Variants in RAD51B observed in about 807,000 individuals in gnomAD.
The protein encoded by RAD51B is DNA repair protein RAD51 homolog 2.
In RAD51B, 38 loss-of-function variants were observed where a neutral mutation model predicts 42.2. That is an observed-to-expected ratio of 0.90 (90% CI 0.70 to 1.18). The LOEUF (loss-of-function observed/expected upper bound fraction) is 1.18. Among genes scored for constraint, RAD51B ranks in the 50% most tolerant of loss-of-function variants. RAD51B has a pLI of 0.00. For synonymous variants in RAD51B, 154 were observed against 145.2 expected (o/e 1.06, Z -0.43); for missense variants, 373 against 400.7 (o/e 0.93, Z 0.59).
At chr14:67,964,260 A>G (rs2074724388) in intron 7 of RAD51B, among the ~76,000 whole-genome samples, 1 of 152,188 alleles carries the variant, frequency 6.6e-6, no homozygotes, top group Admixed American at 6.5e-5. Flanking sequence ...AGAGTTAGAA[A>G]GGAAAGTGAG....
intron 10 of RAD51B, among the ~76,000 whole-genome samples, chr14:68,543,693 C>T (rs1291357332): frequency 6.6e-6 from 1 of 152,192 alleles, no homozygotes; most frequent in East Asian, 1.9e-4. Context: ...TTCGATGAGA[C>T]CTAGAGAATC....
chr14:67,986,172 A>G (rs2075189087), intron 7 of RAD51B, among the ~76,000 whole-genome samples: 1 of 152,210 alleles, frequency 6.6e-6, no homozygotes, highest in Admixed American at 6.5e-5. Flanking sequence ...TATCTTGGTA[A>G]TTTTTATTCC....
At chr14:68,504,232 C>T (rs892945699) in intron 10 of RAD51B, among the ~76,000 whole-genome samples, 4 of 152,180 alleles carry the variant, frequency 2.6e-5, no homozygotes, top group Admixed American at 1.3e-4. Flanking sequence ...TTCCTGACTC[C>T]GCAGCTGAAA....
intron 8 of RAD51B, among the ~76,000 whole-genome samples, chr14:68,361,676 G>T (rs2083027454): frequency 6.6e-6 from 1 of 151,814 alleles, no homozygotes; most frequent in Non-Finnish European, 1.5e-5. Flanking sequence ...GAAGTCTTTT[G>T]TTTGTCTGTT....
In RAD51B at chr14:68,008,195, C is replaced by T. The variant is rs535919349; in HGVS notation, c.756+120991C>T. On this transcript the variant is annotated intron_variant, in intron 7 of 10. Coordinates refer to ENST00000471583, the MANE Select transcript of RAD51B (RefSeq NM_133510.4). Reference sequence around the variant, plus strand: ...TAGATTACATACAGTGATACTCATGCCAGTATCATCTTTAATGGCATAAAT... The same window carrying T: ...TAGATTACATACAGTGATACTCATGTCAGTATCATCTTTAATGGCATAAAT... Among the ~76,000 whole-genome samples the T allele has an allele frequency of 8.5e-4, 129 of 151,766 alleles. 4 individuals carry two copies. In the South Asian group the frequency reaches 0.019, roughly 23 times the overall value.
At chr14:67,924,770 CT>C (rs1214732330) in intron 7 of RAD51B, among the ~76,000 whole-genome samples, 1 of 152,198 alleles carries the variant, frequency 6.6e-6, no homozygotes, top group Non-Finnish European at 1.5e-5. Flanking sequence ...CATTCCACCC[CT>C]GGAGCCTCCC....
In RAD51B at chr14:68,340,305, G is replaced by A. The variant is rs114284767; in HGVS notation, c.853+48325G>A. Among the ~76,000 whole-genome samples the A allele has an allele frequency of 2.7e-3, 409 of 152,310 alleles. 2 individuals carry two copies. The highest frequency in any genetic ancestry group is 9.4e-3 in the African/African-American group (390 of 41,558). ...GAATAGCCCTGTAAAACTACCTTTTGTGGGGGAGATTTACATCTGTAGAGA... is the reference window on the plus strand; with the variant it reads ...GAATAGCCCTGTAAAACTACCTTTTATGGGGGAGATTTACATCTGTAGAGA... On this transcript the variant is annotated intron_variant, in intron 8 of 10. Transcript: ENST00000471583.
At chr14:67,826,365 T>C (rs1405469232) in intron 3 of RAD51B, among the ~76,000 whole-genome samples, 1 of 152,240 alleles carries the variant, frequency 6.6e-6, no homozygotes, top group African/African-American at 2.4e-5. Context: ...TTGAAGTCTT[T>C]TACAAAAGCC....
At chr14:68,072,623 G>T (rs747707310) in intron 7 of RAD51B, among the ~76,000 whole-genome samples, 2 of 152,100 alleles carry the variant, frequency 1.3e-5, no homozygotes, top group East Asian at 3.9e-4. Context: ...GATCAATATT[G>T]CATCCTTCAA....
chr14:68,648,920 A>T (rs970879245), intron 10 of RAD51B, among the ~76,000 whole-genome samples: 12 of 151,930 alleles, frequency 7.9e-5, no homozygotes, highest in Admixed American at 3.9e-4. Context: ...CAGCAGGGCA[A>T]CTCTGTTATT....
At chr14:68,051,805 A>G (rs2076397751) in intron 7 of RAD51B, among the ~76,000 whole-genome samples, 1 of 151,570 alleles carries the variant, frequency 6.6e-6, no homozygotes, top group African/African-American at 2.4e-5. Flanking sequence ...GTCTCACTGT[A>G]TTGTCCAGGC....
intron 7 of RAD51B, among the ~76,000 whole-genome samples, chr14:67,929,712 T>G (rs1467239241): frequency 6.6e-6 from 1 of 152,194 alleles, no homozygotes; most frequent in Admixed American, 6.5e-5. Flanking sequence ...AGCCTGTCTT[T>G]TTCTTTAGAT....
At chr14:67,886,132 C>A in intron 6 of RAD51B, 144 bp downstream of exon 6, 1 of 620,066 alleles carries the variant, frequency 1.6e-6, no homozygotes, top group Non-Finnish European at 2.5e-6. Context: ...TTGTTATAGC[C>A]TTTTGGTTGA....
chr14:68,139,125 TTAA>T (rs1207411245), intron 7 of RAD51B, among the ~76,000 whole-genome samples: 4 of 152,158 alleles, frequency 2.6e-5, no homozygotes, highest in African/African-American at 9.7e-5. Context: ...ATACCAGTAA[TTAA>T]AGGACTTTCC....
At chr14:68,377,776 G>A (rs1402239650) in intron 8 of RAD51B, among the ~76,000 whole-genome samples, 2 of 152,236 alleles carry the variant, frequency 1.3e-5, no homozygotes, top group Non-Finnish European at 2.9e-5. Flanking sequence ...CCATCTGTGT[G>A]GCTTAGGGAG....
intron 7 of RAD51B, among the ~76,000 whole-genome samples, chr14:67,968,473 C>T (rs542580719): frequency 1.3e-5 from 2 of 152,312 alleles, no homozygotes; most frequent in East Asian, 3.9e-4. Context: ...ACCCAAGTCA[C>T]CTTTTGAATG....
intron 10 of RAD51B, among the ~76,000 whole-genome samples, chr14:68,590,922 C>A (rs1202036329): frequency 6.6e-6 from 1 of 152,148 alleles, no homozygotes; most frequent in Non-Finnish European, 1.5e-5. Flanking sequence ...TAGATGGCCC[C>A]ATGAAGTTCT....
intron 7 of RAD51B, among the ~76,000 whole-genome samples, chr14:67,934,012 G>A (rs965723773): frequency 2.0e-5 from 3 of 152,304 alleles, no homozygotes; most frequent in Middle Eastern, 6.8e-3. Context: ...ATCAACATCA[G>A]TTACTTCTGA....
rs566862686 is a variant in RAD51B at position 67,932,478 on chromosome 14, G to A, written c.756+45274G>A. ...TGATCATACTTGTTCTTAGGCCCCA[G>A]CACAGTGTGCAGTGGCACTAGTTTT... On this transcript the variant is annotated intron_variant, in intron 7 of 10. Transcript: ENST00000471583. Among the ~76,000 whole-genome samples the A allele has an allele frequency of 6.6e-4, 101 of 152,208 alleles. 1 individual carries two copies. The highest frequency in any genetic ancestry group is 6.6e-3 in the Admixed American group (101 of 15,288).
Sources: gnomAD v4.1 joint callset for allele counts (sites outside exome capture counted in the v4.1 genomes callset) on GRCh38, gnomAD v4.1.1 for gene constraint, MANE v1.5 for transcripts, NCBI Gene and HGNC (gene_info 2026-07-23, HGNC 2026-07-21) for gene names.